The following XPO1 variants were observed in gnomAD, a reference collection of about 807,000 sequenced individuals.
The protein encoded by XPO1 is exportin 1.
XPO1 carries 5 observed loss-of-function variants against 133.3 expected under a neutral mutation model. The observed-to-expected ratio is 0.04, with a 90% confidence interval of 0.02 to 0.08. The LOEUF (loss-of-function observed/expected upper bound fraction) is 0.08, where lower values mean the gene tolerates loss of function less well. Ranked by LOEUF, XPO1 falls within the 10% of genes least tolerant of loss-of-function variation. The probability of loss-of-function intolerance (pLI) is 1.00; values close to 1 mark genes in which losing one functional copy is unlikely to be tolerated. For synonymous variants in XPO1, 419 were observed against 408.2 expected, an observed-to-expected ratio of 1.03 and a Z score of -0.32; for missense variants, 506 against 1,267.5, an observed-to-expected ratio of 0.40 and a Z score of 9.12.
intron 4 of XPO1, among the ~76,000 whole-genome samples, chr2:61,515,939 A>ACACG (rs1698362162): frequency 2.1e-5 from 1 of 47,862 alleles, no homozygotes; most frequent in African/African-American, 5.0e-5. Flanking sequence ...AAAAAAAACC[A>ACACG]CACACACACA....
chr2:61,533,545 G>A (rs1344863739), intron 2 of XPO1, among the ~76,000 whole-genome samples: 6 of 152,208 alleles, frequency 3.9e-5, no homozygotes, highest in Middle Eastern at 3.4e-3. Flanking sequence ...ATAACATTTG[G>A]CTCTTAAGGA....
intron 4 of XPO1, among the ~76,000 whole-genome samples, chr2:61,513,707 A>G (rs897313628): frequency 2.6e-5 from 4 of 151,760 alleles, no homozygotes; most frequent in Non-Finnish European, 5.9e-5. Flanking sequence ...CTATATAAAG[A>G]AAAAAAAATC....
Position 61,478,706 on chromosome 2 carries a change from C to A in XPO1, c.*114G>T, listed in dbSNP as rs764403153. On this transcript the variant is annotated 3_prime_UTR_variant, in exon 25 of 25. Transcript: ENST00000401558. ...ACAAAAAAACACATAAGAAAAAGGG[C>A]CACTAGGTGACATTTTAATTTACAA... 2.9e-6 allele frequency: 3 copies of A among 1,047,576 alleles called. No homozygotes were observed. Among genetic ancestry groups the A allele is most frequent in the Admixed American group, 3.0e-5 (1 of 32,800 alleles). 64.9% of individuals were successfully genotyped at this position (1,047,576 alleles called of 1,614,324 possible). A position where few individuals can be genotyped will look rare whatever the true frequency, so the allele number is the denominator to read the frequency against.
chr2:61,513,375 T>C (rs1334819424), intron 4 of XPO1, among the ~76,000 whole-genome samples: 2 of 150,016 alleles, frequency 1.3e-5, no homozygotes, highest in Non-Finnish European at 3.0e-5. Flanking sequence ...TTTTTTTTTT[T>C]TTTTTTTTGA....
chr2:61,514,718 A>C (rs556805061), intron 4 of XPO1, among the ~76,000 whole-genome samples: 25 of 152,258 alleles, frequency 1.6e-4, no homozygotes, highest in African/African-American at 6.0e-4. Context: ...ACATACTTAT[A>C]CACTGCTGGT....
intron 4 of XPO1, among the ~76,000 whole-genome samples, chr2:61,516,779 A>G (rs1436796560): frequency 6.6e-6 from 1 of 152,246 alleles, no homozygotes; most frequent in African/African-American, 2.4e-5. Context: ...GATTAAAACA[A>G]TCCCTTGGTT....
At chr2:61,522,825 A>C in intron 3 of XPO1, 142 bp from the exon 4 acceptor site, 2 of 647,182 alleles carry the variant, frequency 3.1e-6, no homozygotes, top group Non-Finnish European at 5.4e-6. Flanking sequence ...ACACATATTA[A>C]ACAAGTATCT....
At chr2:61,528,419 G>T (rs1000570893) in intron 2 of XPO1, among the ~76,000 whole-genome samples, 1 of 151,954 alleles carries the variant, frequency 6.6e-6, no homozygotes, top group Non-Finnish European at 1.5e-5. Flanking sequence ...CAGATCACAA[G>T]GTCAGGAGTT....
intron 1 of XPO1, 50 bp from the exon 2 acceptor site, chr2:61,533,953 T>G (rs1699263361): frequency 2.2e-6 from 3 of 1,388,264 alleles, no homozygotes; most frequent in Non-Finnish European, 2.8e-6. Context: ...TTTGGTATTA[T>G]CAAAAACTTC....
At chr2:61,488,879 A>C in intron 17 of XPO1, 108 bp from the exon 18 acceptor site, 1 of 1,187,674 alleles carries the variant, frequency 8.4e-7, no homozygotes, top group Non-Finnish European at 1.2e-6. Context: ...AGGCGGGCGG[A>C]TGATGAGTTC....
chr2:61,507,703 C>T (rs1163622028), intron 4 of XPO1, among the ~76,000 whole-genome samples: 2 of 152,106 alleles, frequency 1.3e-5, no homozygotes, highest in African/African-American at 4.8e-5. Flanking sequence ...CATGGCAAAA[C>T]CTTGTCTCTG....
At chr2:61,512,992 C>G (rs942474292) in intron 4 of XPO1, among the ~76,000 whole-genome samples, 3 of 152,156 alleles carry the variant, frequency 2.0e-5, no homozygotes, top group African/African-American at 7.2e-5. Context: ...GAGCATGACT[C>G]TGTCTCAAAT....
intron 4 of XPO1, among the ~76,000 whole-genome samples, chr2:61,518,697 T>C (rs751004702): frequency 6.6e-6 from 1 of 151,648 alleles, no homozygotes; most frequent in Non-Finnish European, 1.5e-5. Context: ...AAGGAGCTTA[T>C]AGTTTGAAGG....
At chr2:61,506,090 CAAAT>C (rs565621930) in intron 4 of XPO1, among the ~76,000 whole-genome samples, 5 of 151,882 alleles carry the variant, frequency 3.3e-5, no homozygotes, top group African/African-American at 7.2e-5. Context: ...CAAGGCTTGC[CAAAT>C]AAATAAATAA....
chr2:61,528,275 C>A (rs567827440), intron 2 of XPO1, among the ~76,000 whole-genome samples: 6 of 151,968 alleles, frequency 3.9e-5, no homozygotes, highest in African/African-American at 1.2e-4. Context: ...CACATTTTCA[C>A]GGCATGTGTG....
chr2:61,481,980 C>G (rs1026841466), intron 23 of XPO1, among the ~76,000 whole-genome samples: 1 of 149,756 alleles, frequency 6.7e-6, no homozygotes, highest in South Asian at 2.1e-4. Flanking sequence ...TGTGATTCAC[C>G]CACCTCAGCC....
At chr2:61,531,858 T>C (rs1208812143) in intron 2 of XPO1, among the ~76,000 whole-genome samples, 2 of 152,174 alleles carry the variant, frequency 1.3e-5, no homozygotes, top group Non-Finnish European at 2.9e-5. Flanking sequence ...TAGGAGATAA[T>C]ATACTGATCA....
Position 61,482,449 on chromosome 2 carries a change from A to T in XPO1, c.2903T>A (p.Val968Asp). 6.2e-7 allele frequency: 1 copy of T among 1,613,746 alleles called. No homozygotes were observed. Among genetic ancestry groups the T allele is most frequent in the Non-Finnish European group, 8.5e-7 (1 of 1,179,894 alleles). The change falls in exon 23 of 25, where the codon GTT (valine) becomes GAT (aspartate). Residue 968 changes from valine (V) to aspartate (D), a missense_variant. Around this residue, in one of 6 missense-constraint regions of XPO1, gnomAD observed 203 missense variants for 365.9 expected, o/e 0.55. Coordinates refer to ENST00000401558, the MANE Select transcript of XPO1 (RefSeq NM_003400.4). Reference protein sequence around the residue: ...ISTSLNPGNPVNNQIFLQEYV... With the variant: ...ISTSLNPGNPDNNQIFLQEYV... ...TTCCTGAAGAAAGATTTGGTTGTTA[A>T]CTGGATTTCCAGGATTTAATGATGT...
At chr2:61,488,315 T>C in intron 18 of XPO1, 44 bp from the exon 19 acceptor site, 4 of 1,538,892 alleles carry the variant, frequency 2.6e-6, no homozygotes. Flanking sequence ...CCACTAAACT[T>C]ATACAGTGGT....
Sources: gnomAD v4.1 joint callset for allele counts (sites outside exome capture counted in the v4.1 genomes callset) on GRCh38, gnomAD v4.1.1 for gene constraint, gnomAD v4.1.1 regional missense constraint, MANE v1.5 for transcripts, NCBI Gene and HGNC (gene_info 2026-07-23, HGNC 2026-07-21) for gene names.